MAP4: variants seen among roughly 807,000 people sequenced by gnomAD.
The protein encoded by MAP4 is microtubule-associated protein 4.
Under a neutral mutation model 170.2 loss-of-function variants are expected in MAP4, and 76 were observed. The observed-to-expected ratio is 0.45, with a 90% CI of 0.37 to 0.54. MAP4 has a LOEUF of 0.54. Ranked by LOEUF, MAP4 falls within the 20% of genes least tolerant of loss-of-function variation. MAP4 has a pLI of 0.00. For synonymous variants in MAP4, 909 were observed against 994.5 expected, an observed-to-expected ratio of 0.91 and a Z score of 1.62; for missense variants, 2,506 against 2,748.0, an observed-to-expected ratio of 0.91 and a Z score of 1.97.
At chr3:48,077,413 T>C (rs2100144484) in intron 1 of MAP4, among the ~76,000 whole-genome samples, 1 of 146,188 alleles carries the variant, frequency 6.8e-6, no homozygotes, top group African/African-American at 2.6e-5. Context: ...GCCATTGCAC[T>C]CCAGCCTGGG....
chr3:48,000,419 C>CAGATCCTT (rs1009155428), intron 1 of MAP4, among the ~76,000 whole-genome samples: 3 of 152,130 alleles, frequency 2.0e-5, no homozygotes, highest in Admixed American at 2.0e-4. Flanking sequence ...ACAAGTCAAA[C>CAGATCCTT]AGATCCTTAG....
chr3:48,084,604 G>T (rs1216669330), intron 1 of MAP4, among the ~76,000 whole-genome samples: 1 of 150,776 alleles, frequency 6.6e-6, no homozygotes, highest in Non-Finnish European at 1.5e-5. Flanking sequence ...GGGTGAGCAG[G>T]TCTGGCTCTT....
At chr3:48,056,195 G>T (rs1398822614) in intron 1 of MAP4, among the ~76,000 whole-genome samples, 94 of 107,186 alleles carry the variant, frequency 8.8e-4, no homozygotes, top group African/African-American at 2.8e-3. Context: ...CGCCAGCCAT[G>T]CCGTCCGGGA....
intron 10 of MAP4, among the ~76,000 whole-genome samples, chr3:47,889,451 G>C (rs2098209017): frequency 6.6e-6 from 1 of 152,200 alleles, no homozygotes; most frequent in African/African-American, 2.4e-5. Context: ...ATCAAAAGTT[G>C]CTTGAGGATA....
chr3:47,867,392 C>T, intron 16 of MAP4, 54 bp from the exon 17 acceptor site: 2 of 1,218,666 alleles, frequency 1.6e-6, no homozygotes, highest in South Asian at 2.4e-5. Context: ...CTGGTTAGAA[C>T]CGACACAGGG....
At chr3:47,926,487 G>A (rs1003365403) in intron 4 of MAP4, among the ~76,000 whole-genome samples, 1 of 151,872 alleles carries the variant, frequency 6.6e-6, no homozygotes, top group African/African-American at 2.4e-5. Context: ...CCTGGCCTAA[G>A]TTACTCCATT....
At chr3:47,895,392 A>G (rs1018646938) in intron 10 of MAP4, among the ~76,000 whole-genome samples, 2 of 152,232 alleles carry the variant, frequency 1.3e-5, no homozygotes, top group African/African-American at 4.8e-5. Flanking sequence ...CAGCCATTCA[A>G]GTAATCACAG....
intron 8 of MAP4, among the ~76,000 whole-genome samples, chr3:47,914,460 G>C (rs779697854): frequency 6.6e-6 from 1 of 150,456 alleles, no homozygotes. Flanking sequence ...TGAGGCAGGA[G>C]AATCGCTTGA....
At chr3:47,930,503 T>C (rs1004819430) in intron 3 of MAP4, among the ~76,000 whole-genome samples, 1 of 147,898 alleles carries the variant, frequency 6.8e-6, no homozygotes, top group African/African-American at 2.5e-5. Context: ...ACAACAAAGG[T>C]ACTATTAAAG....
Position 47,977,931 on chromosome 3 carries a change from T to A in MAP4, c.226A>T (p.Thr76Ser). The A allele has an allele frequency of 6.2e-7, 1 of 1,607,056 alleles. No individual in the cohort carries two copies. Among genetic ancestry groups the A allele is most frequent in the East Asian group, 2.2e-5 (1 of 44,838 alleles). Reference sequence around the variant, plus strand: ...AGGAGTGTTGGTTTAGAAGATGGAGTATCTGCAACAATGACAAATAATTAC... The same window carrying A: ...AGGAGTGTTGGTTTAGAAGATGGAGAATCTGCAACAATGACAAATAATTAC... ...PCSETSQIED[T>S]PSSKPTLLAN... The change falls in exon 3 of 21, where the codon ACT (threonine) becomes TCT (serine). Residue 76 changes from threonine (T) to serine (S), a missense_variant and splice_region_variant. Around this residue, in one of 3 missense-constraint regions of MAP4, gnomAD observed 2,008 missense variants for 2,206.0 expected, o/e 0.91. Transcript: ENST00000683076.
chr3:47,985,375 G>T (rs1481731332), intron 2 of MAP4, among the ~76,000 whole-genome samples: 1 of 152,182 alleles, frequency 6.6e-6, no homozygotes, highest in East Asian at 1.9e-4. Flanking sequence ...GGAGGTCAAG[G>T]CTGCAGGGAG....
At chr3:47,865,445 A>G (rs554541229) in intron 17 of MAP4, among the ~76,000 whole-genome samples, 6 of 152,318 alleles carry the variant, frequency 3.9e-5, no homozygotes, top group African/African-American at 1.2e-4. Flanking sequence ...ACCCGAGTGT[A>G]AAGGATGCCA....
At chr3:47,950,828 AT>A (rs1281141602) in intron 3 of MAP4, among the ~76,000 whole-genome samples, 3 of 152,132 alleles carry the variant, frequency 2.0e-5, no homozygotes, top group Non-Finnish European at 4.4e-5. Context: ...CTGTAGGAAT[AT>A]TCACCTGACA....
chr3:48,025,909 T>A (rs1368582696), intron 1 of MAP4, among the ~76,000 whole-genome samples: 2 of 145,978 alleles, frequency 1.4e-5, no homozygotes, highest in East Asian at 4.0e-4. Flanking sequence ...TCAAAAATAA[T>A]AATAATAATA....
chr3:48,013,137 T>C (rs2100106136), intron 1 of MAP4, among the ~76,000 whole-genome samples: 1 of 152,228 alleles, frequency 6.6e-6, no homozygotes, highest in African/African-American at 2.4e-5. Flanking sequence ...AATTCATGTA[T>C]GAATTTCATC....
chr3:48,077,654 A>T (rs997812488), intron 1 of MAP4, among the ~76,000 whole-genome samples: 3 of 152,026 alleles, frequency 2.0e-5, no homozygotes, highest in African/African-American at 7.2e-5. Context: ...ATAATTTTTT[A>T]AAAGGTTAAA....
intron 3 of MAP4, chr3:47,974,052 G>A (rs1407207948): frequency 6.1e-6 from 6 of 985,136 alleles, no homozygotes; most frequent in East Asian, 2.3e-4. Context: ...TCCGGAAGTC[G>A]CTGCAAGGAT....
chr3:47,917,658 A>C (rs1163791783), intron 6 of MAP4, among the ~76,000 whole-genome samples: 4 of 152,116 alleles, frequency 2.6e-5, no homozygotes, highest in Non-Finnish European at 5.9e-5. Flanking sequence ...GACAGTCTCA[A>C]CACTTGGAAG....
intron 1 of MAP4, among the ~76,000 whole-genome samples, chr3:48,037,247 A>T (rs779595181): frequency 1.3e-5 from 2 of 152,216 alleles, no homozygotes; most frequent in African/African-American, 2.4e-5. Flanking sequence ...TATATACTCA[A>T]AAGCTGCATC....
Sources: allele counts gnomAD v4.1 joint callset (sites outside exome capture counted in the v4.1 genomes callset), GRCh38; gene constraint gnomAD v4.1.1; regional missense constraint gnomAD v4.1.1; transcripts MANE v1.5; gene names NCBI Gene and HGNC (gene_info 2026-07-23, HGNC 2026-07-21).